Variants in TSPAN17 observed in about 807,000 individuals in gnomAD.
The protein encoded by TSPAN17 is tetraspanin 17.
In TSPAN17, 33 loss-of-function variants were observed where a neutral mutation model predicts 40.5. That is an observed-to-expected ratio of 0.81 (90% CI 0.62 to 1.09). The LOEUF is 1.09. Ranked by LOEUF, TSPAN17 falls within the 50% of genes least tolerant of loss-of-function variation. The probability of loss-of-function intolerance (pLI) is 0.00; values close to 1 mark genes in which losing one functional copy is unlikely to be tolerated. For synonymous variants in TSPAN17, 166 were observed against 169.4 expected (o/e 0.98, Z 0.15); for missense variants, 365 against 416.8 (o/e 0.88, Z 1.08).
chr5:176,652,697 A>G, intron 3 of TSPAN17, 46 bp from the exon 4 acceptor site: 1 of 1,597,568 alleles, frequency 6.3e-7, no homozygotes, highest in South Asian at 1.1e-5. Flanking sequence ...GGAGGTCACC[A>G]GAGCCCTGCG....
chr5:176,657,210 G>A lies in TSPAN17; in HGVS notation c.809+254G>A, dbSNP rs78392471. The A allele has an allele frequency of 3.5e-3, 2,179 of 619,576 alleles. 42 individuals are homozygous for A. The African/African-American group carries it at 0.036, about 10-fold the overall frequency. The allele number at this position is 619,576 out of a possible 1,614,324, so 38.4% of individuals were successfully genotyped here. On this transcript the variant is annotated intron_variant, in intron 8 of 8. Transcript: ENST00000508164. Reference sequence around the variant, plus strand: ...GCACACGTGTGCACAGGGAGCCACCGTCTCGGCTACATTTGGGGTGGTGGA... The same window carrying A: ...GCACACGTGTGCACAGGGAGCCACCATCTCGGCTACATTTGGGGTGGTGGA...
Position 176,651,702 on chromosome 5 carries a change from C to A in TSPAN17, c.138+36C>A. 6.2e-7 allele frequency: 1 copy of A among 1,613,958 alleles called. No individual in the cohort carries two copies. Among genetic ancestry groups the A allele is most frequent in the Non-Finnish European group, 8.5e-7 (1 of 1,179,880 alleles). On this transcript the variant is annotated intron_variant, in intron 2 of 8. Transcript: ENST00000508164. The surrounding 1 kb of genome is among the most constrained non-coding windows in gnomAD (Gnocchi z 4.5). ...GGGCGGGCGTGGAGCTGGTATGGGA[C>A]GAGGTGGTGGGAAGGTCAGCTCCCC... is the stretch of plus-strand genomic sequence containing the variant.
Position 176,652,718 on chromosome 5 carries a change from C to T in TSPAN17, c.286-25C>T, listed in dbSNP as rs762686699. ...CACCAGAGCCCTGCGTTTCCAACCC[C>T]TACTGTCTGTATGCCCAACCCCAGT... is the stretch of plus-strand genomic sequence containing the variant. On this transcript the variant is annotated intron_variant, in intron 3 of 8. Coordinates refer to ENST00000508164, the MANE Select transcript of TSPAN17 (RefSeq NM_130465.5). The T allele has an allele frequency of 2.7e-5, 43 of 1,612,942 alleles. No individual in the cohort carries two copies. The South Asian group carries it at 3.7e-4, about 14-fold the overall frequency.
chr5:176,647,581 G>A lies in TSPAN17; in HGVS notation c.-35G>A, dbSNP rs1186380770. Reference sequence around the variant, plus strand: ...CGCGGGGCGCTGGGCCTGGCTCCCGGCTCCGGTTTCCGGGCCGGCGGGTGG... The same window carrying A: ...CGCGGGGCGCTGGGCCTGGCTCCCGACTCCGGTTTCCGGGCCGGCGGGTGG... On this transcript the variant is annotated 5_prime_UTR_variant, in exon 1 of 9. Transcript: ENST00000508164. 7.7e-6 allele frequency: 12 copies of A among 1,548,924 alleles called. No homozygotes were observed. The highest frequency in any genetic ancestry group is 1.0e-5 in the Non-Finnish European group (12 of 1,149,722).
intron 3 of TSPAN17, among the ~76,000 whole-genome samples, chr5:176,652,211 C>G (rs963242319): frequency 6.6e-6 from 1 of 152,218 alleles, no homozygotes; most frequent in Non-Finnish European, 1.5e-5. Flanking sequence ...CGGGCTCCCC[C>G]CGTTTGGCTC....
At chr5:176,656,599 G>T in intron 6 of TSPAN17, 101 bp from the exon 7 acceptor site, 1 of 1,125,970 alleles carries the variant, frequency 8.9e-7, no homozygotes. Context: ...AGCAGGTACT[G>T]CAGGTTTAGA....
In TSPAN17 at chr5:176,647,518, C is replaced by A; in HGVS notation, c.-98C>A. On this transcript the variant is annotated 5_prime_UTR_variant, in exon 1 of 9. Transcript: ENST00000508164. ...GGCCGAGGCCATGAAGCCGCAGCCG[C>A]CCGGCTAGGCCCCGGGCGGCTCTAG... is the stretch of plus-strand genomic sequence containing the variant. 1.1e-6 allele frequency: 1 copy of A among 934,878 alleles called. No homozygotes were observed. Among genetic ancestry groups the A allele is most frequent in the Non-Finnish European group, 1.4e-6 (1 of 693,262 alleles). The allele number at this position is 934,878 out of a possible 1,614,324, so 57.9% of individuals were successfully genotyped here. A position where few individuals can be genotyped will look rare whatever the true frequency, so the allele number is the denominator to read the frequency against.
At chr5:176,653,684 C>A (rs1761049511) in intron 4 of TSPAN17, 1 of 152,380 alleles carries the variant, frequency 6.6e-6, no homozygotes, top group Non-Finnish European at 1.5e-5. Context: ...GCACCATTCA[C>A]CACCAAGAGT....
At chr5:176,653,013 C>T in intron 4 of TSPAN17, 100 bp downstream of exon 4, 1 of 1,354,982 alleles carries the variant, frequency 7.4e-7, no homozygotes, top group Non-Finnish European at 1.0e-6. Flanking sequence ...CCTTACCCAC[C>T]TGGGCTAGCG....
chr5:176,654,753 G>A lies in TSPAN17; in HGVS notation c.457-142G>A. The A allele has an allele frequency of 9.6e-7, 1 of 1,046,242 alleles. No homozygotes were observed. Among genetic ancestry groups the A allele is most frequent in the Non-Finnish European group, 1.4e-6 (1 of 729,160 alleles). 64.8% of individuals were successfully genotyped at this position (1,046,242 alleles called of 1,614,324 possible). ...CTGGAGGTTGGGCCCAGGCCTGTGG[G>A]GGTGGGGAGGTGGCCACCCACTTGG... On this transcript the variant is annotated intron_variant, in intron 4 of 8. Coordinates refer to ENST00000508164, the MANE Select transcript of TSPAN17 (RefSeq NM_130465.5). This position sits in a 1 kb window ranked among gnomAD's most constrained non-coding sequence, Gnocchi z 4.3.
chr5:176,656,148 T>C, intron 6 of TSPAN17, 23 bp downstream of exon 6: 2 of 1,613,702 alleles, frequency 1.2e-6, no homozygotes, highest in Non-Finnish European at 1.7e-6. Flanking sequence ...GGAACCGGGC[T>C]GGGGCAGGCA....
In TSPAN17 at chr5:176,657,984, A is replaced by G. The variant is rs1189566037; in HGVS notation, c.*286A>G. 1 of 349,822 alleles carries G rather than the reference A, an allele frequency of 2.9e-6. No individual in the cohort carries two copies. The highest frequency in any genetic ancestry group is 4.9e-6 in the Non-Finnish European group (1 of 203,818). The allele number at this position is 349,822 out of a possible 1,614,324, so 21.7% of individuals were successfully genotyped here. On this transcript the variant is annotated 3_prime_UTR_variant, in exon 9 of 9. Transcript: ENST00000508164. ...CTGGACCCCGCTTTGAAGAGGGTGC[A>G]GCCTGGGAAGGGCGGCCTTGCTGGG...
intron 5 of TSPAN17, among the ~76,000 whole-genome samples, chr5:176,655,627 C>T (rs960733435): frequency 1.3e-5 from 2 of 151,428 alleles, no homozygotes; most frequent in Admixed American, 6.6e-5. Flanking sequence ...CGCATTCCAG[C>T]GTCTGGGAAA....
intron 3 of TSPAN17, 122 bp downstream of exon 3, chr5:176,652,022 C>A: frequency 7.4e-7 from 1 of 1,352,388 alleles, no homozygotes; most frequent in Non-Finnish European, 1.0e-6. Flanking sequence ...TCGTTAGATT[C>A]ATGTTGTCTA....
chr5:176,654,710 C>T lies in TSPAN17; in HGVS notation c.457-185C>T. ...GAGCTCAGTGTCCCCTCCCTTGCAC[C>T]CCTCTGCCTCCACCAGCCTGGAGGT... is the stretch of plus-strand genomic sequence containing the variant. On this transcript the variant is annotated intron_variant, in intron 4 of 8. Transcript: ENST00000508164. The surrounding 1 kb of genome is among the most constrained non-coding windows in gnomAD (Gnocchi z 4.3). 3.0e-6 allele frequency: 2 copies of T among 663,674 alleles called. No homozygotes were observed. The highest frequency in any genetic ancestry group is 5.0e-6 in the Non-Finnish European group (2 of 396,654). The allele number at this position is 663,674 out of a possible 1,614,324, so 41.1% of individuals were successfully genotyped here. A position where few individuals can be genotyped will look rare whatever the true frequency, so the allele number is the denominator to read the frequency against.
At position 176,651,712 on chromosome 5, in the gene TSPAN17, G is replaced by A. The variant is rs1186824497; in HGVS notation, c.139-42G>A. ...GGAGCTGGTATGGGACGAGGTGGTG[G>A]GAAGGTCAGCTCCCCACACCTGCCT... is the stretch of plus-strand genomic sequence containing the variant. On this transcript the variant is annotated intron_variant, in intron 2 of 8. Transcript: ENST00000508164. The surrounding 1 kb of genome is among the most constrained non-coding windows in gnomAD (Gnocchi z 4.5). 2 of 1,613,874 alleles carry A rather than the reference G, an allele frequency of 1.2e-6. No individual in the cohort carries two copies. Among genetic ancestry groups the A allele is most frequent in the African/African-American group, 1.3e-5 (1 of 74,928 alleles).
In TSPAN17 at chr5:176,652,211, C is replaced by T. The variant is rs963242319; in HGVS notation, c.285+311C>T. Reference sequence around the variant, plus strand: ...TTTCTCCCTGTTTCTCGGGCTCCCCCCGTTTGGCTCCATTCCCAGGTGGCA... The same window carrying T: ...TTTCTCCCTGTTTCTCGGGCTCCCCTCGTTTGGCTCCATTCCCAGGTGGCA... On this transcript the variant is annotated intron_variant, in intron 3 of 8. Transcript: ENST00000508164. Among the ~76,000 whole-genome samples the T allele has an allele frequency of 2.6e-5, 4 of 152,334 alleles. No individual in the cohort carries two copies. The South Asian group carries it at 8.3e-4, about 32-fold the overall frequency.
At chr5:176,656,047 C>T (rs947823415) in intron 5 of TSPAN17, 31 bp from the exon 6 acceptor site, 1 of 1,612,698 alleles carries the variant, frequency 6.2e-7, no homozygotes, top group Non-Finnish European at 8.5e-7. Context: ...TGCGTCCTCA[C>T]CAAGTCACTA....
chr5:176,650,125 C>G lies in TSPAN17; in HGVS notation c.88-1491C>G, dbSNP rs763798421. Among the ~76,000 whole-genome samples, 1 of 152,284 alleles carries G rather than the reference C, an allele frequency of 6.6e-6. No individual in the cohort carries two copies. The highest frequency in any genetic ancestry group is 2.1e-4 in the South Asian group (1 of 4,816). On this transcript the variant is annotated intron_variant, in intron 1 of 8. Transcript: ENST00000508164. This position sits in a 1 kb window ranked among gnomAD's most constrained non-coding sequence, Gnocchi z 4.0. ...ATTCACCAGCGAATCCCCGGCATGG[C>G]GGCGATCAGTGCCGGTGGGTCGTGG... is the stretch of plus-strand genomic sequence containing the variant.
Sources: allele counts gnomAD v4.1 joint callset (sites outside exome capture counted in the v4.1 genomes callset), GRCh38; gene constraint gnomAD v4.1.1; non-coding constraint Gnocchi (gnomAD v3.1); transcripts MANE v1.5; gene names NCBI Gene and HGNC (gene_info 2026-07-23, HGNC 2026-07-21).